The following TFAP2B variants were observed in gnomAD, a reference collection of about 807,000 sequenced individuals.
TFAP2B encodes transcription factor AP-2-beta.
In TFAP2B, 9 loss-of-function variants were observed where a neutral mutation model predicts 44.3. That is an observed-to-expected ratio of 0.20 (90% CI 0.12 to 0.35). The LOEUF (loss-of-function observed/expected upper bound fraction) is 0.35. Ranked by LOEUF, TFAP2B falls within the 10% of genes least tolerant of loss-of-function variation. TFAP2B has a pLI of 1.00. For missense variants in TFAP2B, 509 were observed against 600.0 expected (o/e 0.85, Z 1.59); for synonymous variants, 270 against 263.8 (o/e 1.02, Z -0.23).
chr6:50,841,299 C>G (rs1762726897), intron 6 of TFAP2B, among the ~76,000 whole-genome samples: 1 of 152,156 alleles, frequency 6.6e-6, no homozygotes, highest in African/African-American at 2.4e-5. Flanking sequence ...ACCCATCTCT[C>G]CCAATGATCA....
chr6:50,828,439 T>A (rs1241770745), intron 2 of TFAP2B, among the ~76,000 whole-genome samples, 180 bp from the exon 3 acceptor site: 2 of 152,200 alleles, frequency 1.3e-5, no homozygotes, highest in Non-Finnish European at 1.5e-5. Flanking sequence ...ATTGGAAAAA[T>A]TTATAATTTG....
intron 6 of TFAP2B, among the ~76,000 whole-genome samples, chr6:50,841,541 T>A (rs578206573): frequency 6.6e-6 from 1 of 152,244 alleles, no homozygotes; most frequent in South Asian, 2.1e-4. Flanking sequence ...TGACTCTCAT[T>A]TCTCTAAGGT....
intron 1 of TFAP2B, among the ~76,000 whole-genome samples, chr6:50,821,454 C>T (rs1334424951): frequency 6.6e-6 from 1 of 152,166 alleles, no homozygotes; most frequent in African/African-American, 2.4e-5. Context: ...CCAAGTCCTC[C>T]GGATTAGGGA....
chr6:50,828,211 T>C (rs1770581457), intron 2 of TFAP2B, among the ~76,000 whole-genome samples: 1 of 152,212 alleles, frequency 6.6e-6, no homozygotes, highest in African/African-American at 2.4e-5. Context: ...TATGTATTTG[T>C]AAAATGGCTC....
chr6:50,822,185 A>G, intron 1 of TFAP2B: 12 of 1,302,198 alleles, frequency 9.2e-6, no homozygotes, highest in Non-Finnish European at 1.2e-5. Flanking sequence ...ACGTGTTACC[A>G]GAATTGCATG....
In TFAP2B at chr6:50,823,730, T is replaced by G; in HGVS notation, c.405T>G (p.Leu135=). The G allele has an allele frequency of 6.2e-7, 1 of 1,611,894 alleles. No individual in the cohort carries two copies. Among genetic ancestry groups the G allele is most frequent in the Non-Finnish European group, 8.5e-7 (1 of 1,179,094 alleles). ...CCGCCTTGCCCCAGCTCTCGGGCCT[T>G]GACCCCCGGAGGGACTACCACTCGG... ...PRAALPQLSG[L]DPRRDYHSVR... Residue 135 remains leucine, a synonymous_variant, in exon 2 of 7, where the codon CTT becomes CTG. Transcript: ENST00000393655.
chr6:50,828,773 C>A, intron 3 of TFAP2B, 94 bp downstream of exon 3: 1 of 1,401,790 alleles, frequency 7.1e-7, no homozygotes, highest in Non-Finnish European at 1.0e-6. Flanking sequence ...CATTATTTGA[C>A]AAGACATAAA....
intron 1 of TFAP2B, 81 bp from the exon 2 acceptor site, chr6:50,823,326 A>C (rs1751377386): frequency 1.6e-6 from 2 of 1,220,216 alleles, no homozygotes; most frequent in Non-Finnish European, 2.4e-6. Flanking sequence ...TCCTCTCTGT[A>C]CTCTCTGTCT....
rs1762700317 is a variant in TFAP2B at position 50,840,265 on chromosome 6, G to A, written c.1050G>A (p.Leu350=). 2 of 1,614,026 alleles carry A rather than the reference G, an allele frequency of 1.2e-6. No individual in the cohort carries two copies. Among genetic ancestry groups the A allele is most frequent in the Non-Finnish European group, 1.7e-6 (2 of 1,180,032 alleles). ...GGCAGCACACAGACCCGAGTGACCTGCACTCCCGAAAGAATATGCTGTTGG... is the reference window on the plus strand; with the variant it reads ...GGCAGCACACAGACCCGAGTGACCTACACTCCCGAAAGAATATGCTGTTGG... ...LNRQHTDPSD[L]HSRKNMLLAT... The change falls in exon 6 of 7, where the codon CTG becomes CTA. Residue 350 remains leucine, a synonymous_variant. Coordinates refer to ENST00000393655, the MANE Select transcript of TFAP2B (RefSeq NM_003221.4).
chr6:50,829,084 C>T (rs535575903), intron 3 of TFAP2B, among the ~76,000 whole-genome samples: 10 of 152,184 alleles, frequency 6.6e-5, no homozygotes, highest in African/African-American at 2.4e-4. Flanking sequence ...GCTCTTTCTT[C>T]GTTTTGTATT....
intron 5 of TFAP2B, among the ~76,000 whole-genome samples, chr6:50,839,489 G>A (rs1762682870): frequency 6.6e-6 from 1 of 152,168 alleles, no homozygotes; most frequent in African/African-American, 2.4e-5. Flanking sequence ...CATAAGCTGA[G>A]TAATACCTTA....
At position 50,823,526 on chromosome 6, in the gene TFAP2B, G is replaced by T. The variant is rs758430809; in HGVS notation, c.201G>T (p.Pro67=). The T allele has an allele frequency of 6.2e-7, 1 of 1,612,926 alleles. No homozygotes were observed. The highest frequency in any genetic ancestry group is 8.5e-7 in the Non-Finnish European group (1 of 1,179,768). The change falls in exon 2 of 7, where the codon CCG becomes CCT. Residue 67 remains proline (P), a synonymous_variant. Transcript: ENST00000393655. ...ACACCCCGTCGTCGGACTTCCAGCC[G>T]CCCTACTTCCCACCCCCCTACCAGC... ...LSHTPSSDFQ[P]PYFPPPYQPL...
chr6:50,834,024 C>T (rs983554631), intron 3 of TFAP2B, among the ~76,000 whole-genome samples: 1 of 152,012 alleles, frequency 6.6e-6, no homozygotes, highest in African/African-American at 2.4e-5. Flanking sequence ...ATAAGTTTTT[C>T]CAAGTTTTCA....
At chr6:50,842,136 G>A (rs991878034) in intron 6 of TFAP2B, among the ~76,000 whole-genome samples, 1 of 152,212 alleles carries the variant, frequency 6.6e-6, no homozygotes, top group Non-Finnish European at 1.5e-5. Flanking sequence ...GCTGGGTACA[G>A]GCAGGTGGAC....
chr6:50,821,883 A>G, intron 1 of TFAP2B: 1 of 305,318 alleles, frequency 3.3e-6, no homozygotes, highest in Non-Finnish European at 6.4e-6. Flanking sequence ...TGGAGCCCCG[A>G]AGAACGGCAG....
At chr6:50,840,128 T>C in intron 5 of TFAP2B, 28 bp from the exon 6 acceptor site, 1 of 1,613,624 alleles carries the variant, frequency 6.2e-7, no homozygotes, top group Non-Finnish European at 8.5e-7. Flanking sequence ...TGGGTGCTGA[T>C]TATTACCTTT....
intron 1 of TFAP2B, 125 bp from the exon 2 acceptor site, chr6:50,823,282 G>T (rs992642520): frequency 2.3e-6 from 2 of 859,514 alleles, no homozygotes; most frequent in East Asian, 2.6e-5. Flanking sequence ...TACAAAAGCC[G>T]GGCTTCTCCA....
chr6:50,844,734 C>T lies in TFAP2B; in HGVS notation c.*1342C>T, dbSNP rs915552319. 1 of 152,328 alleles carries T rather than the reference C, an allele frequency of 6.6e-6. No homozygotes were observed. Among genetic ancestry groups the T allele is most frequent in the African/African-American group, 2.4e-5 (1 of 41,436 alleles). 9.4% of individuals were successfully genotyped at this position (152,328 alleles called of 1,614,324 possible). On this transcript the variant is annotated 3_prime_UTR_variant, in exon 7 of 7. Transcript: ENST00000393655. ...CCTGCATTTAAAATTGATTTGATTT[C>T]CCTGGGTTCTTTGGTGATTGCTGTT...
Position 50,847,415 on chromosome 6 carries a change from C to T in TFAP2B, c.*4023C>T, listed in dbSNP as rs149020095. On this transcript the variant is annotated 3_prime_UTR_variant, in exon 7 of 7. Coordinates refer to ENST00000393655, the MANE Select transcript of TFAP2B (RefSeq NM_003221.4). ...ATTTAATGGGAATGTGTAAATATGG[C>T]GAGCAAGTAGTTTGGGATTATTTAT... 2.0e-5 allele frequency: 3 copies of T among 152,558 alleles called. No homozygotes were observed. Among genetic ancestry groups the T allele is most frequent in the Non-Finnish European group, 2.9e-5 (2 of 67,998 alleles). 9.5% of individuals were successfully genotyped at this position (152,558 alleles called of 1,614,324 possible). A position where few individuals can be genotyped will look rare whatever the true frequency, so the allele number is the denominator to read the frequency against.
Sources: gnomAD v4.1 joint callset for allele counts (sites outside exome capture counted in the v4.1 genomes callset) on GRCh38, gnomAD v4.1.1 for gene constraint, MANE v1.5 for transcripts, NCBI Gene and HGNC (gene_info 2026-07-23, HGNC 2026-07-21) for gene names.